The following ADARB2 variants were observed in gnomAD, a reference collection of about 807,000 sequenced individuals.
ADARB2 encodes adenosine deaminase RNA specific B2 (inactive).
In ADARB2, 25 loss-of-function variants were observed where a neutral mutation model predicts 62.2. That is an observed-to-expected ratio of 0.40 (90% CI 0.29 to 0.56). The LOEUF (loss-of-function observed/expected upper bound fraction) is 0.56. Ranked by LOEUF, ADARB2 falls within the 20% of genes least tolerant of loss-of-function variation. The pLI, the probability that ADARB2 is intolerant of heterozygous loss-of-function variation, is 0.43. For missense variants in ADARB2, 1,071 were observed against 1,077.4 expected (o/e 0.99, Z 0.08); for synonymous variants, 572 against 500.8 (o/e 1.14, Z -1.90).
intron 1 of ADARB2, among the ~76,000 whole-genome samples, chr10:1,409,642 G>C (rs1394566687): frequency 1.4e-5 from 2 of 142,996 alleles, no homozygotes; most frequent in African/African-American, 5.1e-5. Flanking sequence ...GCCGAGGCCT[G>C]GCTGTGGTCA....
At chr10:1,209,565 A>G (rs1337357416) in intron 7 of ADARB2, among the ~76,000 whole-genome samples, 1 of 114,058 alleles carries the variant, frequency 8.8e-6, no homozygotes, top group African/African-American at 3.1e-5. Context: ...ACCCACACCC[A>G]CATCATCACC....
rs1832280937 is a variant in ADARB2, at chr10:1,363,427, C to T, written c.678G>A (p.Glu226=). 2.2e-6 allele frequency: 3 copies of T among 1,381,614 alleles called. No homozygotes were observed. 85.6% of individuals were successfully genotyped at this position (1,381,614 alleles called of 1,614,324 possible). The change falls in exon 3 of 10, where the codon GAG becomes GAA. Residue 226 remains glutamate, a synonymous_variant. Transcript: ENST00000381312. Reference sequence around the variant, plus strand: ...CGGGGCGCGGCGCCGGGGGCTCGAACTCCTGGAAGAGCGTGTCGGGGAAAT... The same window carrying T: ...CGGGGCGCGGCGCCGGGGGCTCGAATTCCTGGAAGAGCGTGTCGGGGAAAT... The part of the protein sequence containing the change: ...QADFPDTLFQ[E]FEPPAPRPGL...
chr10:1,317,790 G>T (rs529448035), intron 3 of ADARB2, among the ~76,000 whole-genome samples: 2 of 152,030 alleles, frequency 1.3e-5, no homozygotes, highest in Non-Finnish European at 2.9e-5. Flanking sequence ...TCTGGTCTCT[G>T]TGGGCCGGCC....
chr10:1,241,767 T>C (rs1425908756), intron 5 of ADARB2, among the ~76,000 whole-genome samples: 1 of 152,162 alleles, frequency 6.6e-6, no homozygotes, highest in Non-Finnish European at 1.5e-5. Context: ...CCTTGGGCAC[T>C]GCACTCACGT....
chr10:1,270,175 C>T (rs981312656), intron 4 of ADARB2, among the ~76,000 whole-genome samples: 5 of 152,160 alleles, frequency 3.3e-5, no homozygotes, highest in African/African-American at 7.2e-5. Context: ...GAGAACCATG[C>T]CAGTCATTTG....
At chr10:1,324,926 G>A (rs1473081916) in intron 3 of ADARB2, among the ~76,000 whole-genome samples, 1 of 152,236 alleles carries the variant, frequency 6.6e-6, no homozygotes, top group Non-Finnish European at 1.5e-5. Flanking sequence ...CTGTCTGTGA[G>A]GCGTTGTGCT....
intron 1 of ADARB2, among the ~76,000 whole-genome samples, chr10:1,537,116 G>T (rs899244995): frequency 6.6e-6 from 1 of 151,952 alleles, no homozygotes; most frequent in Non-Finnish European, 1.5e-5. Context: ...AAATTTACAA[G>T]AAAAAAACAA....
Position 1,363,378 on chromosome 10 carries a change from C to T in ADARB2, c.727G>A (p.Asp243Asn). ...RPGLAGGRPG[D>N]AALLSAAYGR... ...TAGGCCGCGGACAGAAGCGCGGCGT[C>T]CCCGGGGCGGCCTCCCGCGAGTCCG... The change falls in exon 3 of 10, where the codon GAC (aspartate) becomes AAC (asparagine). Residue 243 changes from aspartate to asparagine, a missense_variant. Coordinates refer to ENST00000381312, the MANE Select transcript of ADARB2 (RefSeq NM_018702.4). 7.5e-7 allele frequency: 1 copy of T among 1,328,796 alleles called. No homozygotes were observed. Among genetic ancestry groups the T allele is most frequent in the Non-Finnish European group, 9.6e-7 (1 of 1,039,096 alleles). The allele number at this position is 1,328,796 out of a possible 1,614,324, so 82.3% of individuals were successfully genotyped here.
At chr10:1,666,159 G>A (rs1246981011) in intron 1 of ADARB2, among the ~76,000 whole-genome samples, 1 of 152,346 alleles carries the variant, frequency 6.6e-6, no homozygotes, top group East Asian at 1.9e-4. Context: ...CGAGAGGTGC[G>A]CACAAGGGTT....
intron 7 of ADARB2, among the ~76,000 whole-genome samples, chr10:1,202,863 T>C (rs1837005515): frequency 6.6e-6 from 1 of 152,222 alleles, no homozygotes; most frequent in Non-Finnish European, 1.5e-5. Flanking sequence ...GAGCACGGGC[T>C]TTGAACAAAA....
intron 7 of ADARB2, among the ~76,000 whole-genome samples, chr10:1,209,945 A>G (rs981462881): frequency 6.6e-6 from 1 of 152,220 alleles, no homozygotes; most frequent in African/African-American, 2.4e-5. Context: ...TCTATCACAC[A>G]CTTTCATATT....
intron 3 of ADARB2, among the ~76,000 whole-genome samples, chr10:1,330,359 A>G (rs1831917536): frequency 6.6e-6 from 1 of 152,230 alleles, no homozygotes. Flanking sequence ...CCACATTTGC[A>G]TGCTCACTCA....
chr10:1,532,152 C>A (rs1412372988), intron 1 of ADARB2, among the ~76,000 whole-genome samples: 1 of 152,146 alleles, frequency 6.6e-6, no homozygotes, highest in African/African-American at 2.4e-5. Flanking sequence ...CCGCACCATT[C>A]CCTGAAGACA....
At chr10:1,655,167 C>T (rs1050479084) in intron 1 of ADARB2, among the ~76,000 whole-genome samples, 1 of 152,188 alleles carries the variant, frequency 6.6e-6, no homozygotes, top group Non-Finnish European at 1.5e-5. Context: ...GTCCCCTGAG[C>T]CCTGAGGCCA....
At chr10:1,390,777 T>C (rs1437741942) in intron 1 of ADARB2, among the ~76,000 whole-genome samples, 1 of 152,246 alleles carries the variant, frequency 6.6e-6, no homozygotes, top group Non-Finnish European at 1.5e-5. Flanking sequence ...GCAGATCCTC[T>C]GCATCTACAT....
At chr10:1,423,887 G>T (rs1434524657) in intron 1 of ADARB2, among the ~76,000 whole-genome samples, 1 of 152,146 alleles carries the variant, frequency 6.6e-6, no homozygotes, top group Non-Finnish European at 1.5e-5. Context: ...TATGCAGTAG[G>T]TCCACTATGT....
At chr10:1,489,712 T>C (rs1355936403) in intron 1 of ADARB2, among the ~76,000 whole-genome samples, 4 of 152,180 alleles carry the variant, frequency 2.6e-5, no homozygotes, top group Admixed American at 2.6e-4. Flanking sequence ...TCTGAACTTC[T>C]CAAACCAGCA....
At chr10:1,495,548 A>T (rs1458800808) in intron 1 of ADARB2, among the ~76,000 whole-genome samples, 5 of 152,250 alleles carry the variant, frequency 3.3e-5, no homozygotes. Context: ...TTGGCAGAAC[A>T]TAGTCTTAGA....
At chr10:1,208,993 A>G (rs957731587) in intron 7 of ADARB2, among the ~76,000 whole-genome samples, 7 of 152,158 alleles carry the variant, frequency 4.6e-5, no homozygotes, top group Non-Finnish European at 1.5e-5. Context: ...GGCTCAGGGT[A>G]TCCTCTTGTG....
Sources: allele counts gnomAD v4.1 joint callset (sites outside exome capture counted in the v4.1 genomes callset), GRCh38; gene constraint gnomAD v4.1.1; transcripts MANE v1.5; gene names NCBI Gene and HGNC (gene_info 2026-07-23, HGNC 2026-07-21).